Variants in UNC5D observed in about 807,000 individuals in gnomAD.
UNC5D encodes unc-5 netrin receptor D.
Under a neutral mutation model 105.4 loss-of-function variants are expected in UNC5D, and 39 were observed. The observed-to-expected ratio is 0.37, with a 90% confidence interval of 0.29 to 0.48. The LOEUF (loss-of-function observed/expected upper bound fraction) is 0.48. Ranked by LOEUF, UNC5D falls within the 20% of genes least tolerant of loss-of-function variation. The pLI, the probability that UNC5D is intolerant of heterozygous loss-of-function variation, is 0.98. For synonymous variants in UNC5D, 452 were observed against 450.4 expected, an observed-to-expected ratio of 1.00 and a Z score of -0.04; for missense variants, 991 against 1,202.4, an observed-to-expected ratio of 0.82 and a Z score of 2.60.
chr8:35,615,966 G>T (rs566654861), intron 4 of UNC5D, among the ~76,000 whole-genome samples: 1 of 152,292 alleles, frequency 6.6e-6, no homozygotes, highest in African/African-American at 2.4e-5. Context: ...GCTACCATTT[G>T]TTGATAGATA....
At chr8:35,328,345 TTCTTTCCTCCATGGGAAG>T (rs1346259937) in intron 1 of UNC5D, among the ~76,000 whole-genome samples, 9 of 152,336 alleles carry the variant, frequency 5.9e-5, no homozygotes, top group South Asian at 4.1e-4. Flanking sequence ...CAGTGACAGT[TTCTTTCCTCCATGGGAAG>T]TAAAGTCAAA....
chr8:35,315,890 T>TAC (rs1809264514), intron 1 of UNC5D, among the ~76,000 whole-genome samples: 1 of 152,120 alleles, frequency 6.6e-6, no homozygotes, highest in Non-Finnish European at 1.5e-5. Context: ...GTCAAATAGA[T>TAC]ACAGACCATG....
At chr8:35,366,079 GA>G (rs975613812) in intron 1 of UNC5D, among the ~76,000 whole-genome samples, 2 of 152,150 alleles carry the variant, frequency 1.3e-5, no homozygotes, top group Non-Finnish European at 2.9e-5. Context: ...GGCAGAGTGG[GA>G]AAGAGAGGAA....
chr8:35,767,829 G>C (rs1011136583), intron 15 of UNC5D, among the ~76,000 whole-genome samples: 1 of 152,060 alleles, frequency 6.6e-6, no homozygotes, highest in African/African-American at 2.4e-5. Context: ...AAACCACCAA[G>C]TGACTTTATG....
At chr8:35,260,267 T>A (rs1400443273) in intron 1 of UNC5D, among the ~76,000 whole-genome samples, 1 of 152,122 alleles carries the variant, frequency 6.6e-6, no homozygotes, top group Non-Finnish European at 1.5e-5. Flanking sequence ...TGACATACAG[T>A]AGACACCTCT....
intron 1 of UNC5D, among the ~76,000 whole-genome samples, chr8:35,537,932 C>A (rs1483239955): frequency 6.6e-6 from 1 of 151,812 alleles, no homozygotes; most frequent in East Asian, 1.9e-4. Flanking sequence ...GCTATTTAAC[C>A]ATTGGTAATA....
chr8:35,495,000 G>A (rs1388977259), intron 1 of UNC5D, among the ~76,000 whole-genome samples: 1 of 152,034 alleles, frequency 6.6e-6, no homozygotes, highest in Non-Finnish European at 1.5e-5. Flanking sequence ...TTGGGTAAAG[G>A]AATGGTACTC....
Position 35,293,266 on chromosome 8 carries a change from AT to A in UNC5D, c.103+57384del, listed in dbSNP as rs533816148. 3.1e-3 allele frequency among the ~76,000 whole-genome samples: 466 copies of A among 152,082 alleles called. 2 individuals carry two copies. The highest frequency in any genetic ancestry group is 0.011 in the African/African-American group (441 of 41,512). On this transcript the variant is annotated intron_variant, in intron 1 of 16. Transcript: ENST00000404895. ...TGGGAATAAATTATAATTTATCTGA[AT>A]TTTTGCTTTTTTATTTCCTCTAAAA...
intron 1 of UNC5D, among the ~76,000 whole-genome samples, chr8:35,252,335 A>G (rs1373283663): frequency 6.6e-6 from 1 of 152,124 alleles, no homozygotes; most frequent in Non-Finnish European, 1.5e-5. Flanking sequence ...AGTTATCAAC[A>G]TCTTTCACTC....
chr8:35,722,464 C>T (rs1399891250), intron 9 of UNC5D, 69 bp downstream of exon 9: 2 of 1,533,414 alleles, frequency 1.3e-6, no homozygotes, highest in African/African-American at 2.8e-5. Flanking sequence ...AGACCCCAGC[C>T]TTCTCCTGGG....
chr8:35,276,315 C>T (rs1805774815), intron 1 of UNC5D, among the ~76,000 whole-genome samples: 1 of 152,036 alleles, frequency 6.6e-6, no homozygotes, highest in South Asian at 2.1e-4. Context: ...AGAATTGCTT[C>T]TGGGTCAGCA....
chr8:35,475,140 T>C (rs1258511406), intron 1 of UNC5D, among the ~76,000 whole-genome samples: 1 of 151,298 alleles, frequency 6.6e-6, no homozygotes, highest in Non-Finnish European at 1.5e-5. Flanking sequence ...GCTTTGTTTT[T>C]CCTTGAACTT....
chr8:35,684,890 TA>T (rs1396040448), intron 6 of UNC5D, 141 bp downstream of exon 6: 11 of 1,114,728 alleles, frequency 9.9e-6, no homozygotes, highest in Non-Finnish European at 9.7e-6. Flanking sequence ...GGTGCTAATG[TA>T]AAGCTCATTG....
chr8:35,316,252 A>G (rs1809299221), intron 1 of UNC5D, among the ~76,000 whole-genome samples: 1 of 152,170 alleles, frequency 6.6e-6, no homozygotes, highest in South Asian at 2.1e-4. Flanking sequence ...AATAGTGTGG[A>G]TATATAAATA....
intron 1 of UNC5D, among the ~76,000 whole-genome samples, chr8:35,470,631 C>T (rs1407507143): frequency 1.3e-5 from 2 of 149,022 alleles, no homozygotes; most frequent in East Asian, 3.9e-4. Context: ...ATTACCTAGG[C>T]ATGGTGGTAC....
At chr8:35,334,097 T>C (rs1044026762) in intron 1 of UNC5D, among the ~76,000 whole-genome samples, 1 of 152,180 alleles carries the variant, frequency 6.6e-6, no homozygotes, top group Admixed American at 6.5e-5. Flanking sequence ...ATGCTCATTT[T>C]AATATAACTT....
intron 11 of UNC5D, among the ~76,000 whole-genome samples, chr8:35,745,005 G>C (rs1829933526): frequency 6.6e-6 from 1 of 151,862 alleles, no homozygotes; most frequent in Non-Finnish European, 1.5e-5. Flanking sequence ...GTGAGCCCAA[G>C]ATGGTGCCAC....
At chr8:35,495,769 TAGC>T (rs1811543857) in intron 1 of UNC5D, among the ~76,000 whole-genome samples, 1 of 152,130 alleles carries the variant, frequency 6.6e-6, no homozygotes, top group South Asian at 2.1e-4. Flanking sequence ...TACTAAGTAA[TAGC>T]AGTAAAAACC....
chr8:35,700,154 C>T (rs893969616), intron 7 of UNC5D, among the ~76,000 whole-genome samples: 1 of 152,188 alleles, frequency 6.6e-6, no homozygotes, highest in African/African-American at 2.4e-5. Context: ...ATTCCTGCAG[C>T]CTTGGATAGC....
Sources: gnomAD v4.1 joint callset for allele counts (sites outside exome capture counted in the v4.1 genomes callset) on GRCh38, gnomAD v4.1.1 for gene constraint, MANE v1.5 for transcripts, NCBI Gene and HGNC (gene_info 2026-07-23, HGNC 2026-07-21) for gene names.